Variants in DIAPH3 observed in about 807,000 individuals in gnomAD.
The protein encoded by DIAPH3 is diaphanous related formin 3, also known as protein diaphanous homolog 3.
Under a neutral mutation model 144.3 loss-of-function variants are expected in DIAPH3, and 117 were observed. That is an observed-to-expected ratio of 0.81 (90% CI 0.70 to 0.95). The LOEUF is 0.95. Among genes scored for constraint, DIAPH3 ranks in the 40% least tolerant of loss-of-function variants. The probability of loss-of-function intolerance (pLI) is 0.00; values close to 1 mark genes in which losing one functional copy is unlikely to be tolerated. For synonymous variants in DIAPH3, 519 were observed against 488.9 expected, an observed-to-expected ratio of 1.06 and a Z score of -0.81; for missense variants, 1,421 against 1,412.7, an observed-to-expected ratio of 1.01 and a Z score of -0.09.
intron 17 of DIAPH3, among the ~76,000 whole-genome samples, chr13:59,949,093 G>T (rs1364210978): frequency 6.6e-6 from 1 of 152,100 alleles, no homozygotes; most frequent in Non-Finnish European, 1.5e-5. Context: ...GGTCATTTTT[G>T]AGTTACTTTC....
In DIAPH3 at chr13:59,723,006, C is replaced by T. The variant is rs1263562635; in HGVS notation, c.3319+51183G>A. On this transcript the variant is annotated intron_variant, in intron 27 of 27. Transcript: ENST00000400324. ...CATGCCAGCACATACATACCCCTTC[C>T]AAGAAATGGATTTCCTATTTGGTAG... 2.6e-5 allele frequency among the ~76,000 whole-genome samples: 4 copies of T among 152,196 alleles called. No individual in the cohort carries two copies. The South Asian group carries it at 8.3e-4, about 31-fold the overall frequency.
intron 4 of DIAPH3, among the ~76,000 whole-genome samples, chr13:60,084,675 T>C (rs1254015445): frequency 6.6e-6 from 1 of 152,112 alleles, no homozygotes; most frequent in Non-Finnish European, 1.5e-5. Flanking sequence ...AGATTAAAGT[T>C]ACTGTTGGAC....
chr13:60,106,000 T>G (rs1314990428), intron 3 of DIAPH3, among the ~76,000 whole-genome samples: 1 of 151,922 alleles, frequency 6.6e-6, no homozygotes, highest in Non-Finnish European at 1.5e-5. Flanking sequence ...TTAAAGAGAA[T>G]AAAGAAAGAA....
At chr13:59,680,630 C>T (rs1261401540) in intron 27 of DIAPH3, among the ~76,000 whole-genome samples, 5 of 151,486 alleles carry the variant, frequency 3.3e-5, no homozygotes, top group Admixed American at 1.3e-4. Context: ...AGAGGTCAGA[C>T]GGCTACACCT....
intron 5 of DIAPH3, among the ~76,000 whole-genome samples, chr13:60,027,409 T>C (rs2054451076): frequency 6.6e-6 from 1 of 152,264 alleles, no homozygotes; most frequent in Admixed American, 6.5e-5. Flanking sequence ...AACAATCATT[T>C]ATTCCCACTT....
intron 4 of DIAPH3, among the ~76,000 whole-genome samples, chr13:60,067,668 T>C (rs1388607825): frequency 3.3e-5 from 5 of 152,328 alleles, no homozygotes; most frequent in South Asian, 2.1e-4. Context: ...TGAAATCCTT[T>C]AGTCATAATT....
chr13:59,722,119 C>G (rs973847307), intron 27 of DIAPH3, among the ~76,000 whole-genome samples: 16 of 152,112 alleles, frequency 1.1e-4, no homozygotes, highest in Non-Finnish European at 5.9e-5. Flanking sequence ...ATTCAAAGCC[C>G]TTAGGAATTC....
intron 4 of DIAPH3, among the ~76,000 whole-genome samples, chr13:60,089,201 CAA>C (rs1214986543): frequency 6.6e-6 from 1 of 151,946 alleles, no homozygotes; most frequent in Admixed American, 6.6e-5. Context: ...TGCACCATCC[CAA>C]AGAGAAAAGA....
chr13:60,162,809 T>TCTCACACACACACACACACA (rs1555388530), intron 1 of DIAPH3, among the ~76,000 whole-genome samples: 1 of 122,424 alleles, frequency 8.2e-6, no homozygotes, highest in African/African-American at 3.3e-5. Flanking sequence ...TCTCTCTCTC[T>TCTCACACACACACACACACA]CACACACACA....
intron 5 of DIAPH3, among the ~76,000 whole-genome samples, chr13:60,036,349 C>T (rs2055212228): frequency 6.6e-6 from 1 of 152,028 alleles, no homozygotes; most frequent in Non-Finnish European, 1.5e-5. Context: ...ACAGAAATGG[C>T]CTATATATAT....
At chr13:59,919,963 G>C (rs935665210) in intron 18 of DIAPH3, among the ~76,000 whole-genome samples, 10 of 151,910 alleles carry the variant, frequency 6.6e-5, no homozygotes, top group African/African-American at 2.4e-4. Flanking sequence ...AAGTGATCAA[G>C]TTTATCAGTT....
intron 17 of DIAPH3, among the ~76,000 whole-genome samples, chr13:59,927,099 T>A (rs2047787587): frequency 6.6e-6 from 1 of 152,126 alleles, no homozygotes; most frequent in African/African-American, 2.4e-5. Flanking sequence ...TTATCTCTTT[T>A]TGACAAAGTC....
intron 4 of DIAPH3, among the ~76,000 whole-genome samples, chr13:60,075,877 T>G (rs925222243): frequency 2.0e-5 from 3 of 152,234 alleles, no homozygotes; most frequent in African/African-American, 7.2e-5. Flanking sequence ...TATCCAAGTG[T>G]TGACCGTATC....
intron 22 of DIAPH3, among the ~76,000 whole-genome samples, chr13:59,843,330 A>G (rs955142): frequency 0.057 from 8,751 of 152,240 alleles, 730 homozygotes; most frequent in African/African-American, 0.18. Context: ...CCTAAAGTCT[A>G]GGCTGCCCTC....
intron 27 of DIAPH3, among the ~76,000 whole-genome samples, chr13:59,705,152 GATT>G (rs57912484): frequency 0.032 from 4,856 of 152,076 alleles, 272 homozygotes; most frequent in African/African-American, 0.11. Flanking sequence ...ATTCAAAAAT[GATT>G]ATAGCCTAGT....
At chr13:59,730,808 T>C (rs1333131811) in intron 27 of DIAPH3, among the ~76,000 whole-genome samples, 1 of 152,274 alleles carries the variant, frequency 6.6e-6, no homozygotes, top group Admixed American at 6.5e-5. Context: ...TCAAAGGATG[T>C]TGAGATGATC....
At chr13:60,032,830 A>G (rs2054904735) in intron 5 of DIAPH3, among the ~76,000 whole-genome samples, 1 of 152,246 alleles carries the variant, frequency 6.6e-6, no homozygotes, top group South Asian at 2.1e-4. Flanking sequence ...CCTCTCTGAA[A>G]AAACCTTTTT....
chr13:59,740,455 T>G (rs1452843608), intron 27 of DIAPH3, among the ~76,000 whole-genome samples: 1 of 152,222 alleles, frequency 6.6e-6, no homozygotes. Context: ...GTAAGTGATG[T>G]CTGAGAATAT....
At chr13:59,954,302 G>T (rs550078146) in intron 17 of DIAPH3, among the ~76,000 whole-genome samples, 2 of 152,126 alleles carry the variant, frequency 1.3e-5, no homozygotes, top group South Asian at 4.2e-4. Flanking sequence ...CACCATCCCT[G>T]GGGTTATTAT....
Sources: allele counts gnomAD v4.1 joint callset (sites outside exome capture counted in the v4.1 genomes callset), GRCh38; gene constraint gnomAD v4.1.1; transcripts MANE v1.5; gene names NCBI Gene and HGNC (gene_info 2026-07-23, HGNC 2026-07-21).